Variants in CDH12 observed in about 807,000 individuals in gnomAD.
CDH12 encodes cadherin 12.
CDH12 carries 41 observed loss-of-function variants against 74.1 expected under a neutral mutation model. The observed-to-expected ratio is 0.55, with a 90% CI of 0.43 to 0.72. The LOEUF is 0.72. Among genes scored for constraint, CDH12 ranks in the 30% least tolerant of loss-of-function variants. CDH12 has a pLI of 0.00. For missense variants in CDH12, 945 were observed against 977.2 expected (o/e 0.97, Z 0.44); for synonymous variants, 399 against 355.0 (o/e 1.12, Z -1.39).
intron 3 of CDH12, among the ~76,000 whole-genome samples, chr5:22,346,765 A>G (rs927741632): frequency 2.0e-5 from 3 of 152,188 alleles, no homozygotes; most frequent in Non-Finnish European, 1.5e-5. Context: ...CTATTCATGT[A>G]TAGTACAACC....
chr5:21,958,260 C>G (rs975148900), intron 6 of CDH12, among the ~76,000 whole-genome samples: 1 of 152,056 alleles, frequency 6.6e-6, no homozygotes, highest in Non-Finnish European at 1.5e-5. Flanking sequence ...ATTACTCAGT[C>G]TCTGGTGGTT....
intron 6 of CDH12, among the ~76,000 whole-genome samples, chr5:21,913,634 G>T (rs1341752195): frequency 6.6e-6 from 1 of 151,918 alleles, no homozygotes; most frequent in Admixed American, 6.6e-5. Context: ...ATATTAATCA[G>T]AAGACTAGAG....
chr5:21,825,369 C>T (rs1218949467), intron 8 of CDH12, among the ~76,000 whole-genome samples: 1 of 152,080 alleles, frequency 6.6e-6, no homozygotes, highest in Non-Finnish European at 1.5e-5. Context: ...TGTCCTTCAT[C>T]TCCACTTTTT....
chr5:22,403,623 A>G (rs1022278464), intron 3 of CDH12, among the ~76,000 whole-genome samples: 13 of 152,210 alleles, frequency 8.5e-5, no homozygotes, highest in African/African-American at 3.1e-4. Context: ...ATGAAAGATC[A>G]CAGAGCAACC....
At position 22,077,047 on chromosome 5, in the gene CDH12, A is replaced by AGTGTGT. The variant is rs5866546; in HGVS notation, c.231+1393_231+1398dup. On this transcript the variant is annotated intron_variant, in intron 5 of 14. Transcript: ENST00000382254. ...TAGTTCATAGTTCTTGCTTAATGGCAGTGTGTGTGTGTGTGTGTGTGTGTG... is the reference window on the plus strand; with the variant it reads ...TAGTTCATAGTTCTTGCTTAATGGCAGTGTGTGTGTGTGTGTGTGTGTGTGTGTGTG... Among the ~76,000 whole-genome samples the AGTGTGT allele has an allele frequency of 6.4e-3, 958 of 149,144 alleles. 4 individuals carry two copies. Among genetic ancestry groups the AGTGTGT allele is most frequent in the African/African-American group, 0.019 (754 of 40,398 alleles).
intron 11 of CDH12, among the ~76,000 whole-genome samples, chr5:21,767,809 C>T (rs1745110003): frequency 6.6e-6 from 1 of 151,492 alleles, no homozygotes; most frequent in African/African-American, 2.4e-5. Flanking sequence ...TTTTAAGTGG[C>T]CATTTAAGAA....
At chr5:22,478,417 C>CAAAAAAAAA in intron 2 of CDH12, among the ~76,000 whole-genome samples, 1 of 88,494 alleles carries the variant, frequency 1.1e-5, no homozygotes, top group Non-Finnish European at 2.1e-5. Context: ...GACTCCGTCT[C>CAAAAAAAAA]AAAAAAAAAA....
intron 3 of CDH12, among the ~76,000 whole-genome samples, chr5:22,331,077 G>A (rs1380549977): frequency 6.6e-6 from 1 of 152,176 alleles, no homozygotes; most frequent in South Asian, 2.1e-4. Context: ...CCTGTGGAAA[G>A]GGGAAAAAAT....
intron 6 of CDH12, chr5:21,883,966 A>C (rs1000840792): frequency 1.2e-5 from 20 of 1,604,118 alleles, no homozygotes; most frequent in Non-Finnish European, 1.6e-5. Context: ...CCAGCTAATG[A>C]AGATCAAAAA....
intron 6 of CDH12, among the ~76,000 whole-genome samples, chr5:21,927,203 G>C (rs1290619589): frequency 6.6e-6 from 1 of 152,158 alleles, no homozygotes; most frequent in Non-Finnish European, 1.5e-5. Flanking sequence ...ATATGCAAGA[G>C]AGTGAAATAA....
At chr5:22,626,186 A>C (rs148000399) in intron 1 of CDH12, among the ~76,000 whole-genome samples, 162 of 152,270 alleles carry the variant, frequency 1.1e-3, no homozygotes, top group African/African-American at 3.6e-3. Flanking sequence ...TGCAGGCATA[A>C]GCATGTGCAT....
At chr5:22,352,259 G>T (rs1740386763) in intron 3 of CDH12, among the ~76,000 whole-genome samples, 1 of 151,516 alleles carries the variant, frequency 6.6e-6, no homozygotes. Context: ...ATCCATTCTT[G>T]TCTACTAGTG....
At chr5:22,067,633 G>A (rs916428690) in intron 5 of CDH12, among the ~76,000 whole-genome samples, 3 of 152,096 alleles carry the variant, frequency 2.0e-5, no homozygotes, top group African/African-American at 7.2e-5. Flanking sequence ...TAATAGATAG[G>A]GATGCTGTGT....
At chr5:22,107,440 T>A (rs1744528375) in intron 4 of CDH12, among the ~76,000 whole-genome samples, 1 of 114,354 alleles carries the variant, frequency 8.7e-6, no homozygotes, top group African/African-American at 3.3e-5. Context: ...CTTCTGCTCT[T>A]CATATATATA....
intron 3 of CDH12, among the ~76,000 whole-genome samples, chr5:22,343,946 T>C (rs1021048977): frequency 1.3e-5 from 2 of 152,196 alleles, no homozygotes; most frequent in African/African-American, 4.8e-5. Context: ...TTTTGTTTTA[T>C]TTAGGATAAC....
intron 6 of CDH12, among the ~76,000 whole-genome samples, chr5:21,859,583 A>G (rs1315912513): frequency 6.6e-6 from 1 of 151,886 alleles, no homozygotes; most frequent in Non-Finnish European, 1.5e-5. Flanking sequence ...ACCACTCACC[A>G]TCACCCCTAG....
At chr5:21,833,036 A>T (rs1471971349) in intron 8 of CDH12, among the ~76,000 whole-genome samples, 2 of 69,728 alleles carry the variant, frequency 2.9e-5, no homozygotes, top group African/African-American at 6.3e-5. Context: ...TATAATATAT[A>T]ATATATAATA....
intron 4 of CDH12, among the ~76,000 whole-genome samples, chr5:22,095,847 C>G (rs184251032): frequency 1.0e-3 from 156 of 151,766 alleles, no homozygotes; most frequent in Non-Finnish European, 1.7e-3. Context: ...TATCTCTGCG[C>G]CCCGATCCCT....
intron 3 of CDH12, among the ~76,000 whole-genome samples, chr5:22,355,514 T>TAA (rs34776687): frequency 1.4e-4 from 19 of 139,068 alleles, no homozygotes; most frequent in East Asian, 1.2e-3. Flanking sequence ...TATATTTCCT[T>TAA]AAAAAAAAAA....
Sources: allele counts gnomAD v4.1 joint callset (sites outside exome capture counted in the v4.1 genomes callset), GRCh38; gene constraint gnomAD v4.1.1; transcripts MANE v1.5; gene names NCBI Gene and HGNC (gene_info 2026-07-23, HGNC 2026-07-21).